The following POLR2F variants were observed in gnomAD, a reference collection of about 807,000 sequenced individuals.
The protein encoded by POLR2F is RNA polymerase II, I and III subunit F.
POLR2F carries 12 observed loss-of-function variants against 22.7 expected under a neutral mutation model. The observed-to-expected ratio is 0.53, with a 90% CI of 0.34 to 0.86. The LOEUF is 0.86. Among genes scored for constraint, POLR2F ranks in the 40% least tolerant of loss-of-function variants. POLR2F has a pLI of 0.02. For missense variants in POLR2F, 126 were observed against 171.5 expected (o/e 0.73, Z 1.48); for synonymous variants, 57 against 66.0 (o/e 0.86, Z 0.66).
At chr22:37,971,659 G>A (rs1393361992), downstream of POLR2F, among the ~76,000 whole-genome samples, 1 of 152,130 alleles carries the variant, frequency 6.6e-6, no homozygotes, top group African/African-American at 2.4e-5. Flanking sequence ...TGCTGTGTGT[G>A]TGCTGGGGGA....
intron 1 of POLR2F, chr22:37,987,824 C>G (rs1183112841): frequency 6.3e-6 from 1 of 157,920 alleles, no homozygotes. Flanking sequence ...GTGTGCCCTC[C>G]TACCTCCAGT....
intron 1 of POLR2F, among the ~76,000 whole-genome samples, chr22:38,020,780 G>C (rs986256528): frequency 5.3e-4 from 81 of 152,092 alleles, no homozygotes; most frequent in African/African-American, 1.9e-3. Context: ...GGTGGGATCA[G>C]AAGGTTTCCT....
chr22:38,021,260 A>T (rs1363690747), intron 1 of POLR2F, among the ~76,000 whole-genome samples: 1 of 152,106 alleles, frequency 6.6e-6, no homozygotes, highest in Non-Finnish European at 1.5e-5. Flanking sequence ...GTATGTGTTG[A>T]GGTTGGTGAG....
At chr22:38,012,626 C>A (rs1318567792) in intron 1 of POLR2F, among the ~76,000 whole-genome samples, 1 of 152,166 alleles carries the variant, frequency 6.6e-6, no homozygotes, top group Non-Finnish European at 1.5e-5. Flanking sequence ...AGGATCCAAG[C>A]CGGAATCCCA....
In POLR2F at chr22:37,980,052, C is replaced by A. The variant is rs59450552; in HGVS notation, c.293+12882C>A. On this transcript the variant is annotated intron_variant, in intron 4 of 4. Transcript: ENST00000405557. The surrounding 1 kb of genome is among the most constrained non-coding windows in gnomAD (Gnocchi z 4.1). ...GCTTAGCCTCCCTGTCTACTCCCCC[C>A]ACCCCGGCCCTGAGCCCAGCCCTAG... Among the ~76,000 whole-genome samples, 30 of 152,286 alleles carry A rather than the reference C, an allele frequency of 2.0e-4. No homozygotes were observed. Among genetic ancestry groups the A allele is most frequent in the South Asian group, 1.7e-3 (8 of 4,820 alleles).
At chr22:37,983,470 C>T (rs1932465045), upstream of POLR2F, 4 of 1,612,346 alleles carry the variant, frequency 2.5e-6, no homozygotes, top group Non-Finnish European at 3.4e-6. The surrounding 1 kb of genome is among the most constrained non-coding windows in gnomAD (Gnocchi z 9.5). Flanking sequence ...TCATGGGCCG[C>T]TTGACGTGCG....
exon 2 of POLR2F, chr22:38,026,046 C>T (rs1486142614): frequency 3.7e-6 from 2 of 538,622 alleles, no homozygotes; most frequent in East Asian, 1.1e-4. Context: ...ATAAGACGGA[C>T]TCTGCTGCCT....
chr22:37,988,595 G>A (rs1401680883), intron 1 of POLR2F, among the ~76,000 whole-genome samples: 2 of 152,122 alleles, frequency 1.3e-5, no homozygotes, highest in East Asian at 3.8e-4. Flanking sequence ...AGGTTGCAGT[G>A]AGCCGAGATC....
At chr22:38,039,711 T>G (rs1236495748) in intron 5 of POLR2F, among the ~76,000 whole-genome samples, 1 of 152,162 alleles carries the variant, frequency 6.6e-6, no homozygotes, top group Non-Finnish European at 1.5e-5. Flanking sequence ...ACCTTGGCAT[T>G]CCAGCCGCGC....
downstream of POLR2F, among the ~76,000 whole-genome samples, chr22:37,969,752 C>T (rs2145754382): frequency 6.6e-6 from 1 of 152,304 alleles, no homozygotes; most frequent in East Asian, 1.9e-4. Context: ...GAATAGGTCC[C>T]TCCATGTTTA....
chr22:38,033,710 C>T (rs1046287484), intron 5 of POLR2F, among the ~76,000 whole-genome samples: 2 of 152,148 alleles, frequency 1.3e-5, no homozygotes, highest in South Asian at 2.1e-4. Context: ...TTTCCAAGAG[C>T]GGTGGCAGGA....
chr22:38,034,004 C>T (rs995107151), intron 5 of POLR2F, among the ~76,000 whole-genome samples: 15 of 152,192 alleles, frequency 9.9e-5, no homozygotes, highest in African/African-American at 3.6e-4. Flanking sequence ...CTGCACCATC[C>T]CAGGGGTCAA....
downstream of POLR2F, chr22:38,041,179 G>A: frequency 6.2e-7 from 1 of 1,607,132 alleles, no homozygotes; most frequent in Non-Finnish European, 8.5e-7. Flanking sequence ...TGGTGGTGGG[G>A]ACTGGTCAAG....
chr22:38,028,807 T>C (rs2085039511), downstream of POLR2F, among the ~76,000 whole-genome samples: 1 of 152,054 alleles, frequency 6.6e-6, no homozygotes, highest in Non-Finnish European at 1.5e-5. Flanking sequence ...CTGTTTGTCC[T>C]GGGGGCTTTA....
rs956350846 is a variant in POLR2F at position 37,953,729 on chromosome 22, C to G, written c.-59C>G. Reference sequence around the variant, plus strand: ...AGGAGCCGCGCGAGTCGTAGTGTCGCTGTTTGCGGGTCTCCGCGCGGGACC... The same window carrying G: ...AGGAGCCGCGCGAGTCGTAGTGTCGGTGTTTGCGGGTCTCCGCGCGGGACC... On this transcript the variant is annotated 5_prime_UTR_variant, in exon 1 of 5. Transcript: ENST00000442738. The G allele has an allele frequency of 1.3e-6, 2 of 1,585,170 alleles. No individual in the cohort carries two copies. The highest frequency in any genetic ancestry group is 1.7e-6 in the Non-Finnish European group (2 of 1,169,636).
chr22:38,007,924 C>A (rs942902991), intron 1 of POLR2F, among the ~76,000 whole-genome samples: 3 of 152,294 alleles, frequency 2.0e-5, no homozygotes, highest in East Asian at 1.9e-4. Context: ...CACGGCAGGC[C>A]CCCTTTAGCT....
downstream of POLR2F, chr22:37,972,499 GGAGGCAAGGGGTAA>G: frequency 3.2e-6 from 1 of 314,362 alleles, no homozygotes; most frequent in Middle Eastern, 1.1e-3. Flanking sequence ...AATACCACTG[GGAGGCAAGGGGTAA>G]GAGGCAAGGG....
chr22:37,999,969 G>T (rs1159173644), intron 1 of POLR2F, among the ~76,000 whole-genome samples: 1 of 152,208 alleles, frequency 6.6e-6, no homozygotes, highest in Non-Finnish European at 1.5e-5. Context: ...TCTGCACCTG[G>T]CAGCCTGTGC....
Position 37,968,163 on chromosome 22 carries a change from C to G in POLR2F, c.*448C>G, listed in dbSNP as rs1247923284. ...GTCTCATCAAGCCACCCATTGTTTC[C>G]TAAGGACCTGCTTCGAGCCTCTTAT... On this transcript the variant is annotated 3_prime_UTR_variant, in exon 5 of 5. Transcript: ENST00000442738. The G allele has an allele frequency of 2.0e-6, 2 of 985,826 alleles. No individual in the cohort carries two copies. Among genetic ancestry groups the G allele is most frequent in the African/African-American group, 1.7e-5 (1 of 57,380 alleles). The allele number at this position is 985,826 out of a possible 1,614,324, so 61.1% of individuals were successfully genotyped here.
Sources: gnomAD v4.1 joint callset for allele counts (sites outside exome capture counted in the v4.1 genomes callset) on GRCh38, gnomAD v4.1.1 for gene constraint, Gnocchi (gnomAD v3.1) non-coding constraint, MANE v1.5 for transcripts, NCBI Gene and HGNC (gene_info 2026-07-23, HGNC 2026-07-21) for gene names.